Variants in ZNF705D observed in about 807,000 individuals in gnomAD.
ZNF705D encodes putative zinc finger protein 705C.
For missense variants in ZNF705D, 6 were observed against 129.4 expected, an observed-to-expected ratio of 0.05 and a Z score of 4.63; for synonymous variants, 1 against 43.8, an observed-to-expected ratio of 0.02 and a Z score of 3.86.
At chr8:12,090,681 GT>G in the ZNF705D span, among the ~76,000 whole-genome samples, 3 of 28,226 alleles carry the variant, frequency 1.1e-4, no homozygotes, top group African/African-American at 1.7e-4. Flanking sequence ...ATTTTTAAAG[GT>G]TTTTTTTTTT....
At chr8:12,090,173 T>G in the ZNF705D span, among the ~76,000 whole-genome samples, 3 of 91,900 alleles carry the variant, frequency 3.3e-5, no homozygotes, top group African/African-American at 8.2e-5. Flanking sequence ...CCGATGGATG[T>G]CTGCCGTGCC....
At chr8:12,109,077 A>G (rs1802240080) in intron 1 of ZNF705D, among the ~76,000 whole-genome samples, 1 of 89,352 alleles carries the variant, frequency 1.1e-5, no homozygotes, top group South Asian at 5.8e-4. Flanking sequence ...AAACAATGAT[A>G]ACTGATGTTT....
intron 1 of ZNF705D, among the ~76,000 whole-genome samples, chr8:12,109,017 G>A (rs1388479708): frequency 1.1e-5 from 1 of 94,236 alleles, no homozygotes; most frequent in Non-Finnish European, 2.4e-5. Context: ...ACAATGAAGA[G>A]GCTTTCTTAA....
the ZNF705D span, among the ~76,000 whole-genome samples, chr8:12,093,987 GA>G: frequency 4.3e-5 from 2 of 46,384 alleles, no homozygotes; most frequent in African/African-American, 5.5e-5. Flanking sequence ...GAAAATGGAT[GA>G]AGGAAGCTAT....
chr8:12,089,945 G>A, the ZNF705D span, among the ~76,000 whole-genome samples: 2 of 50,348 alleles, frequency 4.0e-5, 1 homozygote, highest in African/African-American at 6.5e-5. Context: ...GGCCGAAGGC[G>A]AATCTGGCTT....
At chr8:12,090,165 G>A in the ZNF705D span, among the ~76,000 whole-genome samples, 12 of 91,546 alleles carry the variant, frequency 1.3e-4, 1 homozygote, top group African/African-American at 3.3e-4. Context: ...CCACCCCCCC[G>A]ATGGATGTCT....
exon 5 of ZNF705D, chr8:12,113,098 G>T: frequency 7.1e-7 from 1 of 1,418,224 alleles, no homozygotes; most frequent in Non-Finnish European, 9.6e-7. Flanking sequence ...ACATTGGAGA[G>T]AAACCACATG....
downstream of ZNF705D, chr8:12,114,300 CT>C (rs1449001825): frequency 1.3e-5 from 1 of 74,408 alleles, no homozygotes; most frequent in African/African-American, 3.8e-5. Context: ...AAGACCAATA[CT>C]TACAAATATT....
At chr8:12,105,735 C>CA (rs564846829), upstream of ZNF705D, among the ~76,000 whole-genome samples, 32 of 27,734 alleles carry the variant, frequency 1.2e-3, no homozygotes, top group South Asian at 3.8e-3. Flanking sequence ...GAAACTCTAC[C>CA]AAAAAAAAAA....
the ZNF705D span, among the ~76,000 whole-genome samples, chr8:12,090,213 C>T: frequency 1.1e-4 from 10 of 87,404 alleles, 4 homozygotes; most frequent in South Asian, 1.5e-3. Flanking sequence ...GGGGATCCAG[C>T]GGCCTTCCAG....
chr8:12,090,630 G>T, the ZNF705D span, among the ~76,000 whole-genome samples: 1 of 9,972 alleles, frequency 1.0e-4, no homozygotes, highest in Admixed American at 2.0e-3. Flanking sequence ...TTGGCAGCAT[G>T]TATGTCTTCT....
the ZNF705D span, among the ~76,000 whole-genome samples, chr8:12,090,251 G>A: frequency 1.3e-5 from 1 of 75,950 alleles, no homozygotes; most frequent in African/African-American, 3.0e-5. Flanking sequence ...CTCTACTCCT[G>A]TATGTTGCTC....
At chr8:12,095,157 C>T in the ZNF705D span, 1 of 810,120 alleles carries the variant, frequency 1.2e-6, no homozygotes, top group African/African-American at 2.4e-5. Flanking sequence ...AACCTAAAAC[C>T]ACCAGAAAAC....
At chr8:12,103,594 G>T (rs1275098016), upstream of ZNF705D, among the ~76,000 whole-genome samples, 4 of 60,462 alleles carry the variant, frequency 6.6e-5, no homozygotes, top group African/African-American at 1.1e-4. Context: ...GAGCATGCAC[G>T]GTGTGTTTAG....
chr8:12,109,141 G>A (rs866825657), intron 1 of ZNF705D, among the ~76,000 whole-genome samples: 7,390 of 86,600 alleles, frequency 0.085, 144 homozygotes, highest in Middle Eastern at 0.15. Context: ...GGAATCATCG[G>A]ACTAAGATTT....
At chr8:12,109,023 C>T (rs201648658) in intron 1 of ZNF705D, among the ~76,000 whole-genome samples, 12,284 of 87,244 alleles carry the variant, frequency 0.14, 375 homozygotes, top group African/African-American at 0.32. Flanking sequence ...AAGAGGCTTT[C>T]TTAATCTTTG....
chr8:12,089,732 T>C, the ZNF705D span, among the ~76,000 whole-genome samples: 1 of 69,782 alleles, frequency 1.4e-5, no homozygotes, highest in Non-Finnish European at 3.9e-5. Flanking sequence ...CAGACTCTCC[T>C]TGGGTGGGTC....
chr8:12,109,491 T>A (rs959622527), intron 1 of ZNF705D, among the ~76,000 whole-genome samples: 1 of 83,310 alleles, frequency 1.2e-5, no homozygotes, highest in Non-Finnish European at 3.0e-5. Context: ...ATTTATTTCA[T>A]CGCAGTCATG....
At chr8:12,090,113 G>C in the ZNF705D span, among the ~76,000 whole-genome samples, 2 of 87,434 alleles carry the variant, frequency 2.3e-5, 1 homozygote, top group African/African-American at 5.6e-5. Context: ...TTCAGCTAGA[G>C]AGGTTCTTCT....
Sources: gnomAD v4.1 joint callset for allele counts (sites outside exome capture counted in the v4.1 genomes callset) on GRCh38, gnomAD v4.1.1 for gene constraint, MANE v1.5 for transcripts, NCBI Gene and HGNC (gene_info 2026-07-23, HGNC 2026-07-21) for gene names.